Variants in CAMTA1 observed in about 807,000 individuals in gnomAD.
CAMTA1 encodes the protein calmodulin-binding transcription activator 1.
In CAMTA1, 27 loss-of-function variants were observed where a neutral mutation model predicts 170.9. The ratio of observed to expected loss-of-function variants is 0.16; its 90% CI spans 0.12 to 0.22. The LOEUF (loss-of-function observed/expected upper bound fraction) is 0.22. CAMTA1 is among the 10% of genes least tolerant of loss of function. The pLI, the probability that CAMTA1 is intolerant of heterozygous loss-of-function variation, is 1.00. For missense variants in CAMTA1, 1,619 were observed against 2,217.2 expected (o/e 0.73, Z 5.42); for synonymous variants, 833 against 891.5 (o/e 0.93, Z 1.17).
At chr1:7,737,213 A>T (rs2096779102) in intron 14 of CAMTA1, 42 bp from the exon 15 acceptor site, 2 of 1,586,794 alleles carry the variant, frequency 1.3e-6, no homozygotes, top group African/African-American at 2.7e-5. Flanking sequence ...TCTGGTCTTG[A>T]CCTCTGATTG....
intron 2 of CAMTA1, among the ~76,000 whole-genome samples, chr1:6,823,419 A>G (rs1245552126): frequency 2.0e-5 from 3 of 152,296 alleles, no homozygotes; most frequent in East Asian, 3.9e-4. Flanking sequence ...TTATTTTCCT[A>G]TTAAATTAAA....
chr1:7,275,829 A>T (rs571888132), intron 5 of CAMTA1, among the ~76,000 whole-genome samples: 88 of 152,310 alleles, frequency 5.8e-4, no homozygotes, highest in South Asian at 2.9e-3. Flanking sequence ...TTAAGGCAAG[A>T]ATAATGTTAG....
At chr1:7,169,893 T>C (rs1649253285) in intron 4 of CAMTA1, among the ~76,000 whole-genome samples, 1 of 152,240 alleles carries the variant, frequency 6.6e-6, no homozygotes, top group African/African-American at 2.4e-5. Context: ...TATTTGAAGC[T>C]TCTCTGGTTA....
intron 3 of CAMTA1, among the ~76,000 whole-genome samples, chr1:7,060,991 C>G (rs1558041420): frequency 6.6e-6 from 1 of 152,104 alleles, no homozygotes. Flanking sequence ...CTTCCTCCTT[C>G]TTTTTTTATT....
At chr1:7,499,753 T>A (rs368926171) in intron 6 of CAMTA1, among the ~76,000 whole-genome samples, 1 of 123,496 alleles carries the variant, frequency 8.1e-6, no homozygotes, top group African/African-American at 3.3e-5. Context: ...TAGAGAGGAT[T>A]GTGTGAGCCT....
chr1:6,796,312 A>AT (rs1045969185), intron 1 of CAMTA1, among the ~76,000 whole-genome samples: 5 of 151,034 alleles, frequency 3.3e-5, no homozygotes, highest in African/African-American at 7.3e-5. Flanking sequence ...TAATTTTTGT[A>AT]TTTTTTGCGG....
At chr1:7,059,668 G>T (rs1156350806) in intron 3 of CAMTA1, among the ~76,000 whole-genome samples, 1 of 152,064 alleles carries the variant, frequency 6.6e-6, no homozygotes, top group African/African-American at 2.4e-5. Context: ...GATCACCGTC[G>T]TGGTACCCTT....
intron 3 of CAMTA1, among the ~76,000 whole-genome samples, chr1:6,859,880 A>G (rs1663998511): frequency 6.6e-6 from 1 of 152,178 alleles, no homozygotes; most frequent in Non-Finnish European, 1.5e-5. Flanking sequence ...AACCCTTACC[A>G]ATGGTAAGTG....
At chr1:7,737,152 G>A in intron 14 of CAMTA1, 103 bp from the exon 15 acceptor site, 2 of 1,371,452 alleles carry the variant, frequency 1.5e-6, no homozygotes, top group Admixed American at 1.8e-5. Flanking sequence ...GCCCCACCGA[G>A]ATTGCCAGCA....
intron 6 of CAMTA1, among the ~76,000 whole-genome samples, chr1:7,476,969 G>A (rs1255087236): frequency 1.3e-5 from 2 of 152,184 alleles, no homozygotes; most frequent in Non-Finnish European, 2.9e-5. Flanking sequence ...AGGGAAGGCT[G>A]GCTGAAGACC....
At chr1:7,616,470 A>G (rs2095559376) in intron 6 of CAMTA1, among the ~76,000 whole-genome samples, 1 of 152,256 alleles carries the variant, frequency 6.6e-6, no homozygotes, top group South Asian at 2.1e-4. Flanking sequence ...ATGCCTCCGA[A>G]CCGGTCAGCC....
intron 6 of CAMTA1, among the ~76,000 whole-genome samples, chr1:7,499,051 C>T (rs192510044): frequency 0.012 from 1,358 of 110,072 alleles, 25 homozygotes; most frequent in Middle Eastern, 0.044. Flanking sequence ...ATTGTGTGAG[C>T]CTGGTGTGCG....
chr1:7,557,554 C>T (rs1351037674), intron 6 of CAMTA1, among the ~76,000 whole-genome samples: 3 of 152,214 alleles, frequency 2.0e-5, no homozygotes, highest in African/African-American at 4.8e-5. Context: ...AAATGAAAAA[C>T]ATAATTTTCA....
At chr1:7,704,012 G>A (rs1425388039) in intron 11 of CAMTA1, among the ~76,000 whole-genome samples, 2 of 151,970 alleles carry the variant, frequency 1.3e-5, no homozygotes, top group Non-Finnish European at 2.9e-5. Context: ...CAAAGCCGGA[G>A]CCGCCGCCAC....
At chr1:6,922,705 T>G (rs1406936025) in intron 3 of CAMTA1, among the ~76,000 whole-genome samples, 1 of 152,156 alleles carries the variant, frequency 6.6e-6, no homozygotes, top group Non-Finnish European at 1.5e-5. Flanking sequence ...AAGTGAGCCA[T>G]TAAGGCCAGC....
chr1:7,542,685 TA>T (rs2094628191), intron 6 of CAMTA1, among the ~76,000 whole-genome samples: 1 of 151,000 alleles, frequency 6.6e-6, no homozygotes, highest in South Asian at 2.1e-4. Context: ...TGTGCCACCA[TA>T]CCTGGCTAAT....
At chr1:7,647,280 G>GT (rs1300407328) in intron 7 of CAMTA1, among the ~76,000 whole-genome samples, 1 of 141,276 alleles carries the variant, frequency 7.1e-6, no homozygotes, top group Non-Finnish European at 1.5e-5. Flanking sequence ...GATCCAGAAG[G>GT]GGGGGGGGCT....
At chr1:7,197,753 A>T (rs1204471262) in intron 4 of CAMTA1, among the ~76,000 whole-genome samples, 6 of 150,910 alleles carry the variant, frequency 4.0e-5, no homozygotes, top group Non-Finnish European at 8.8e-5. Flanking sequence ...CCCTTTTCCT[A>T]GTTGAGAAGA....
rs548482209 is a variant in CAMTA1, at chr1:7,457,943, C to T, written c.439-9887C>T. 6.0e-3 allele frequency among the ~76,000 whole-genome samples: 913 copies of T among 152,310 alleles called. 7 individuals are homozygous for T. Among genetic ancestry groups the T allele is most frequent in the African/African-American group, 0.021 (871 of 41,560 alleles). ...TACCCAGGGGAGGAGTCTGTCCTGT[C>T]CCCCACGGCCAGAGGCCCGCAGGCA... is the stretch of plus-strand genomic sequence containing the variant. On this transcript the variant is annotated intron_variant, in intron 5 of 22. Transcript: ENST00000303635.
Sources: allele counts gnomAD v4.1 joint callset (sites outside exome capture counted in the v4.1 genomes callset), GRCh38; gene constraint gnomAD v4.1.1; transcripts MANE v1.5; gene names NCBI Gene and HGNC (gene_info 2026-07-23, HGNC 2026-07-21).